SECISBP2: variants seen among roughly 807,000 people sequenced by gnomAD.
The protein encoded by SECISBP2 is SECIS binding protein 2.
Under a neutral mutation model 98.2 loss-of-function variants are expected in SECISBP2, and 96 were observed. The observed-to-expected ratio is 0.98, with a 90% CI of 0.83 to 1.16. The LOEUF is 1.16. Ranked by LOEUF, SECISBP2 falls within the 50% of genes most tolerant of loss-of-function variation. SECISBP2 has a pLI of 0.00. For missense variants in SECISBP2, 1,046 were observed against 1,022.9 expected (o/e 1.02, Z -0.31); for synonymous variants, 407 against 370.2 (o/e 1.10, Z -1.14).
intron 14 of SECISBP2, chr9:89,355,041 T>TG (rs1831857892): frequency 1.0e-6 from 1 of 985,264 alleles, no homozygotes. Flanking sequence ...GCAAATGCTT[T>TG]GGGTAGATCA....
At chr9:89,331,039 CTT>C (rs1290201966) in intron 5 of SECISBP2, among the ~76,000 whole-genome samples, 2 of 152,078 alleles carry the variant, frequency 1.3e-5, no homozygotes, top group Non-Finnish European at 2.9e-5. Flanking sequence ...CTAAAAGAAA[CTT>C]TTTCCTGATG....
chr9:89,318,636 C>G, intron 1 of SECISBP2, 24 bp downstream of exon 1: 1 of 1,415,884 alleles, frequency 7.1e-7, no homozygotes, highest in Non-Finnish European at 9.1e-7. Flanking sequence ...GGGGCTCTCT[C>G]GGCAGCCTCA....
chr9:89,357,664 T>C (rs1190346672), intron 15 of SECISBP2, 99 bp downstream of exon 15: 1 of 1,438,062 alleles, frequency 7.0e-7, no homozygotes, highest in African/African-American at 1.4e-5. Context: ...CCCCAGAACC[T>C]CCAGTAGGCT....
intron 14 of SECISBP2, chr9:89,355,189 C>T: frequency 1.6e-5 from 16 of 985,358 alleles, no homozygotes; most frequent in Non-Finnish European, 1.9e-5. Flanking sequence ...ATGAGAGGAT[C>T]GATATGTAAG....
chr9:89,364,189 G>GCA (rs1833214088), downstream of SECISBP2: 1 of 748,684 alleles, frequency 1.3e-6, no homozygotes, highest in Non-Finnish European at 2.1e-6. Flanking sequence ...ATTTTTCAAA[G>GCA]CACACCTGTG....
intron 2 of SECISBP2, 67 bp downstream of exon 2, chr9:89,319,864 A>G: frequency 6.5e-7 from 1 of 1,533,082 alleles, no homozygotes; most frequent in Non-Finnish European, 9.0e-7. Flanking sequence ...TTAGACTTTC[A>G]AATACTCAGC....
intron 7 of SECISBP2, among the ~76,000 whole-genome samples, chr9:89,335,010 G>A (rs1314631664): frequency 6.6e-6 from 1 of 152,046 alleles, no homozygotes; most frequent in Non-Finnish European, 1.5e-5. Context: ...GTCAGGAGAT[G>A]GAGACCATCC....
At chr9:89,333,367 C>T (rs1005861038) in intron 6 of SECISBP2, among the ~76,000 whole-genome samples, 1 of 152,214 alleles carries the variant, frequency 6.6e-6, no homozygotes, top group Non-Finnish European at 1.5e-5. Context: ...ATTCAAAGTT[C>T]AAACAAATTT....
chr9:89,349,937 A>C lies in SECISBP2; in HGVS notation c.1892+8A>C. ...CAGCCGCAGATTCAGGGAGTGAGTG[A>C]GCCCCTGCCTGCCAGGGACTAGGGG... On this transcript the variant is annotated splice_region_variant and intron_variant, in intron 13 of 16. Coordinates refer to ENST00000375807, the MANE Select transcript of SECISBP2 (RefSeq NM_024077.5). The C allele has an allele frequency of 6.2e-7, 1 of 1,614,120 alleles. No homozygotes were observed. The highest frequency in any genetic ancestry group is 8.5e-7 in the Non-Finnish European group (1 of 1,179,972).
chr9:89,338,051 A>G (rs1035192221), intron 7 of SECISBP2, among the ~76,000 whole-genome samples: 1 of 152,198 alleles, frequency 6.6e-6, no homozygotes, highest in Non-Finnish European at 1.5e-5. Context: ...GTTTGTCTGA[A>G]GGTTCCAGGG....
chr9:89,336,004 T>G (rs888011632), intron 7 of SECISBP2, among the ~76,000 whole-genome samples: 2 of 151,918 alleles, frequency 1.3e-5, no homozygotes. Context: ...GTCACTAATT[T>G]TTGGTTAATG....
intron 14 of SECISBP2, chr9:89,355,190 G>A: frequency 5.1e-6 from 5 of 985,406 alleles, no homozygotes; most frequent in Non-Finnish European, 6.0e-6. Flanking sequence ...TGAGAGGATC[G>A]ATATGTAAGT....
At chr9:89,330,953 C>A (rs1827653228) in intron 5 of SECISBP2, among the ~76,000 whole-genome samples, 1 of 152,196 alleles carries the variant, frequency 6.6e-6, no homozygotes, top group Non-Finnish European at 1.5e-5. Flanking sequence ...AGAAGATATA[C>A]ATACTGATTG....
chr9:89,336,766 CTTTTTTTTT>C (rs1167993596), intron 7 of SECISBP2, among the ~76,000 whole-genome samples: 1 of 75,202 alleles, frequency 1.3e-5, no homozygotes, highest in African/African-American at 5.9e-5. Context: ...CTGTCTAATT[CTTTTTTTTT>C]TTTTTTTTTT....
intron 14 of SECISBP2, among the ~76,000 whole-genome samples, chr9:89,352,528 C>G (rs954164228): frequency 6.6e-6 from 1 of 152,202 alleles, no homozygotes; most frequent in Admixed American, 6.5e-5. Flanking sequence ...TGGGGGTTCA[C>G]TGGAAGTGCC....
intron 7 of SECISBP2, 125 bp from the exon 8 acceptor site, chr9:89,338,333 C>G (rs951565348): frequency 6.6e-5 from 76 of 1,158,332 alleles, no homozygotes; most frequent in Non-Finnish European, 8.8e-5. Flanking sequence ...GATGAGGAAC[C>G]TAATTCTGAA....
At chr9:89,353,132 C>T (rs1410193948) in intron 14 of SECISBP2, among the ~76,000 whole-genome samples, 1 of 152,138 alleles carries the variant, frequency 6.6e-6, no homozygotes, top group Non-Finnish European at 1.5e-5. Flanking sequence ...TCAGAATCAC[C>T]CAGAGGGCTG....
chr9:89,345,859 T>C (rs1489273602), intron 10 of SECISBP2, among the ~76,000 whole-genome samples: 2 of 152,302 alleles, frequency 1.3e-5, no homozygotes, highest in Non-Finnish European at 2.9e-5. Flanking sequence ...TCAAACCCCA[T>C]GTGGAAACAA....
rs186825628 is a variant in SECISBP2 at position 89,355,258 on chromosome 9, G to A, written c.2114-2153G>A. Reference sequence around the variant, plus strand: ...AGTTGTTGTTTTTTACAGTTGCTCCGTAAAGACTGGGTGAGTATCCTGTAG... The same window carrying A: ...AGTTGTTGTTTTTTACAGTTGCTCCATAAAGACTGGGTGAGTATCCTGTAG... On this transcript the variant is annotated intron_variant, in intron 14 of 16. Coordinates refer to ENST00000375807, the MANE Select transcript of SECISBP2 (RefSeq NM_024077.5). 2.8e-4 allele frequency: 274 copies of A among 985,422 alleles called. 2 individuals are homozygous for A. In the African/African-American group the frequency reaches 4.4e-3, roughly 16 times the overall value. The allele number at this position is 985,422 out of a possible 1,614,324, so 61.0% of individuals were successfully genotyped here. A position where few individuals can be genotyped will look rare whatever the true frequency, so the allele number is the denominator to read the frequency against.
Sources: allele counts gnomAD v4.1 joint callset (sites outside exome capture counted in the v4.1 genomes callset), GRCh38; gene constraint gnomAD v4.1.1; transcripts MANE v1.5; gene names NCBI Gene and HGNC (gene_info 2026-07-23, HGNC 2026-07-21).